Variants in PTPRT observed in about 807,000 individuals in gnomAD.
PTPRT encodes the protein protein tyrosine phosphatase receptor type T.
Under a neutral mutation model 176.8 loss-of-function variants are expected in PTPRT, and 56 were observed. That is an observed-to-expected ratio of 0.32 (90% CI 0.26 to 0.40). The LOEUF is 0.40. Ranked by LOEUF, PTPRT falls within the 10% of genes least tolerant of loss-of-function variation. PTPRT has a pLI of 1.00. For synonymous variants in PTPRT, 783 were observed against 739.0 expected (o/e 1.06, Z -0.96); for missense variants, 1,540 against 1,908.2 (o/e 0.81, Z 3.60).
At chr20:42,484,732 T>C (rs866625592) in intron 7 of PTPRT, among the ~76,000 whole-genome samples, 9 of 152,366 alleles carry the variant, frequency 5.9e-5, no homozygotes, top group South Asian at 2.1e-4. Flanking sequence ...CAATTCTGTA[T>C]AGGCAATTCT....
At chr20:42,056,071 G>A in the PTPRT span, among the ~76,000 whole-genome samples, 77 of 152,256 alleles carry the variant, frequency 5.1e-4, no homozygotes, top group African/African-American at 1.8e-3. Flanking sequence ...AGGTCCTGGT[G>A]TTCTTGGAAT....
chr20:42,782,275 T>C (rs544048894), intron 3 of PTPRT, among the ~76,000 whole-genome samples: 5 of 152,254 alleles, frequency 3.3e-5, no homozygotes, highest in Middle Eastern at 6.8e-3. Flanking sequence ...TAGTCATCTT[T>C]TCACTGCATA....
At chr20:43,109,311 T>C (rs761335387) in intron 1 of PTPRT, among the ~76,000 whole-genome samples, 2 of 152,124 alleles carry the variant, frequency 1.3e-5, no homozygotes, top group Non-Finnish European at 2.9e-5. Flanking sequence ...CTGAGTCCTC[T>C]TGCTGATTGC....
At chr20:42,817,251 T>C (rs1176717756) in intron 2 of PTPRT, among the ~76,000 whole-genome samples, 6 of 151,782 alleles carry the variant, frequency 4.0e-5, no homozygotes, top group African/African-American at 1.4e-4. Flanking sequence ...GAAGCAAAAA[T>C]AGAAATGGAT....
intron 6 of PTPRT, among the ~76,000 whole-genome samples, chr20:42,702,550 G>A (rs948071675): frequency 4.6e-5 from 7 of 152,156 alleles, no homozygotes; most frequent in African/African-American, 1.7e-4. Context: ...CTAGCAAAGG[G>A]AGCAAAACTC....
chr20:43,057,278 G>C (rs867349035), intron 1 of PTPRT, among the ~76,000 whole-genome samples: 2 of 122,468 alleles, frequency 1.6e-5, no homozygotes, highest in Non-Finnish European at 3.4e-5. Flanking sequence ...AAGGAGGAAG[G>C]GGGGGAAGGG....
intron 7 of PTPRT, among the ~76,000 whole-genome samples, chr20:42,534,086 T>C (rs1440128841): frequency 6.6e-6 from 1 of 152,120 alleles, no homozygotes; most frequent in African/African-American, 2.4e-5. Flanking sequence ...CCAGACCCAC[T>C]TGGAAAACAA....
intron 18 of PTPRT, among the ~76,000 whole-genome samples, chr20:42,133,276 T>G (rs1231844265): frequency 1.3e-5 from 2 of 152,196 alleles, no homozygotes; most frequent in Non-Finnish European, 2.9e-5. Flanking sequence ...TATTTTAAAC[T>G]TATGGGTTTA....
At chr20:42,966,619 C>T (rs1982309708) in intron 1 of PTPRT, among the ~76,000 whole-genome samples, 1 of 152,216 alleles carries the variant, frequency 6.6e-6, no homozygotes, top group South Asian at 2.1e-4. Context: ...GGTTTTAGAA[C>T]ATCTTCACCT....
intron 1 of PTPRT, among the ~76,000 whole-genome samples, chr20:43,188,199 A>AC (rs1312544750): frequency 6.6e-6 from 1 of 151,596 alleles, no homozygotes; most frequent in Non-Finnish European, 1.5e-5. Context: ...CACACCTAAC[A>AC]CACCCCCCAA....
At chr20:42,548,219 C>T (rs1482174022) in intron 7 of PTPRT, among the ~76,000 whole-genome samples, 1 of 151,912 alleles carries the variant, frequency 6.6e-6, no homozygotes, top group Non-Finnish European at 1.5e-5. Flanking sequence ...ACTAGATAAA[C>T]TTAGCTTAAA....
chr20:42,885,781 A>T, intron 2 of PTPRT, 26 bp downstream of exon 2: 1 of 1,591,360 alleles, frequency 6.3e-7, no homozygotes, highest in African/African-American at 1.3e-5. Context: ...TCCCCATTAC[A>T]GCCCCAAACA....
rs780621535 is a variant in PTPRT, at chr20:42,396,017, C to T, written c.1561-43732G>A. Among the ~76,000 whole-genome samples, 5 of 152,162 alleles carry T rather than the reference C, an allele frequency of 3.3e-5. No homozygotes were observed. The South Asian group carries it at 8.3e-4, about 25-fold the overall frequency. On this transcript the variant is annotated intron_variant, in intron 9 of 30. Coordinates refer to ENST00000373187, the MANE Select transcript of PTPRT (RefSeq NM_007050.6). ...TGACTCCCCTGCTAACATCTCCGTCCTCTACTTCTCCCCTGAACTCCAGAC... is the reference window on the plus strand; with the variant it reads ...TGACTCCCCTGCTAACATCTCCGTCTTCTACTTCTCCCCTGAACTCCAGAC...
At chr20:42,228,986 G>A (rs1330386536) in intron 15 of PTPRT, among the ~76,000 whole-genome samples, 1 of 152,216 alleles carries the variant, frequency 6.6e-6, no homozygotes, top group Non-Finnish European at 1.5e-5. Flanking sequence ...CATGGAAATT[G>A]GAGGGGGCCT....
At chr20:42,429,293 T>A (rs926692391) in intron 9 of PTPRT, among the ~76,000 whole-genome samples, 1 of 152,118 alleles carries the variant, frequency 6.6e-6, no homozygotes, top group Non-Finnish European at 1.5e-5. Context: ...CAAGCAGAGT[T>A]GACTAAAGGC....
intron 13 of PTPRT, among the ~76,000 whole-genome samples, chr20:42,275,528 A>G (rs1057408068): frequency 2.0e-5 from 3 of 152,170 alleles, no homozygotes; most frequent in Non-Finnish European, 2.9e-5. Flanking sequence ...TCTGAACTCT[A>G]TCAAACCAGC....
At position 42,819,762 on chromosome 20, in the gene PTPRT, G is replaced by A. The variant is rs148036864; in HGVS notation, c.215-28296C>T. ...AAAAATAAAAAAAAATAAAAAAGCAGGGGTTGCAATCCTAATCTCTGATAA... is the reference window on the plus strand; with the variant it reads ...AAAAATAAAAAAAAATAAAAAAGCAAGGGTTGCAATCCTAATCTCTGATAA... On this transcript the variant is annotated intron_variant, in intron 2 of 30. Coordinates refer to ENST00000373187, the MANE Select transcript of PTPRT (RefSeq NM_007050.6). Among the ~76,000 whole-genome samples the A allele has an allele frequency of 3.8e-3, 580 of 151,960 alleles. 4 individuals are homozygous for A. The highest frequency in any genetic ancestry group is 0.013 in the African/African-American group (548 of 41,472).
At chr20:42,420,927 C>A (rs2059112658) in intron 9 of PTPRT, among the ~76,000 whole-genome samples, 1 of 152,074 alleles carries the variant, frequency 6.6e-6, no homozygotes, top group Non-Finnish European at 1.5e-5. Context: ...CACTTCTGAA[C>A]CTTAGGAAAG....
At chr20:42,390,381 A>G (rs779589842) in intron 9 of PTPRT, among the ~76,000 whole-genome samples, 2 of 152,180 alleles carry the variant, frequency 1.3e-5, no homozygotes, top group Admixed American at 6.5e-5. Flanking sequence ...ATTTGTCACC[A>G]TGGTGCTGCA....
Sources: gnomAD v4.1 joint callset for allele counts (sites outside exome capture counted in the v4.1 genomes callset) on GRCh38, gnomAD v4.1.1 for gene constraint, MANE v1.5 for transcripts, NCBI Gene and HGNC (gene_info 2026-07-23, HGNC 2026-07-21) for gene names.